COQ8A: variants seen among roughly 807,000 people sequenced by gnomAD.
COQ8A encodes coenzyme Q8A, also known as atypical kinase COQ8A, mitochondrial.
In COQ8A, 51 loss-of-function variants were observed where a neutral mutation model predicts 65.0. The observed-to-expected ratio is 0.78, with a 90% confidence interval of 0.63 to 0.99. The LOEUF (loss-of-function observed/expected upper bound fraction) is 0.99. Ranked by LOEUF, COQ8A falls within the 50% of genes least tolerant of loss-of-function variation. The probability of loss-of-function intolerance (pLI) is 0.00; values close to 1 mark genes in which losing one functional copy is unlikely to be tolerated. For synonymous variants in COQ8A, 371 were observed against 353.2 expected, an observed-to-expected ratio of 1.05 and a Z score of -0.57; for missense variants, 940 against 875.0, an observed-to-expected ratio of 1.07 and a Z score of -0.94.
At chr1:226,978,974 C>T (rs1474062879) in intron 5 of COQ8A, among the ~76,000 whole-genome samples, 1 of 152,166 alleles carries the variant, frequency 6.6e-6, no homozygotes, top group Non-Finnish European at 1.5e-5. Flanking sequence ...ACCCGCACAC[C>T]TCCTTGTAAA....
chr1:226,977,377 G>C, intron 4 of COQ8A, 72 bp from the exon 5 acceptor site: 4 of 1,444,386 alleles, frequency 2.8e-6, no homozygotes, highest in Non-Finnish European at 3.8e-6. Flanking sequence ...GCTGCCCCAG[G>C]CCTTGTGGGT....
chr1:226,977,401 GC>G, intron 4 of COQ8A, 47 bp from the exon 5 acceptor site: 2 of 1,534,136 alleles, frequency 1.3e-6, no homozygotes, highest in African/African-American at 1.4e-5. Context: ...CGAGCGGGTG[GC>G]CCCAGCCCTG....
intron 5 of COQ8A, among the ~76,000 whole-genome samples, 191 bp from the exon 6 acceptor site, chr1:226,981,836 G>A (rs1320120287): frequency 1.3e-5 from 2 of 152,228 alleles, no homozygotes; most frequent in South Asian, 2.1e-4. Flanking sequence ...AGGCGCTGGC[G>A]TAGGGCCTGG....
intron 1 of COQ8A, among the ~76,000 whole-genome samples, chr1:226,942,943 G>A (rs934699496): frequency 6.6e-6 from 1 of 152,190 alleles, no homozygotes; most frequent in Non-Finnish European, 1.5e-5. Context: ...TGATTGGCAC[G>A]CAGAAAAACT....
chr1:226,966,721 A>G (rs910558345), intron 4 of COQ8A, among the ~76,000 whole-genome samples: 1 of 151,896 alleles, frequency 6.6e-6, no homozygotes, highest in African/African-American at 2.4e-5. Flanking sequence ...TTTTCCTCCC[A>G]TACACCATCC....
Position 226,987,114 on chromosome 1 carries a change from A to C in COQ8A, c.*377A>C. 1 of 284,236 alleles carries C rather than the reference A, an allele frequency of 3.5e-6. No homozygotes were observed. The highest frequency in any genetic ancestry group is 6.9e-6 in the Non-Finnish European group (1 of 144,948). 17.6% of individuals were successfully genotyped at this position (284,236 alleles called of 1,614,324 possible). A position where few individuals can be genotyped will look rare whatever the true frequency, so the allele number is the denominator to read the frequency against. The stretch of plus-strand genomic sequence containing the variant: ...AAACCCAGAAACATGAACAGATACG[A>C]TTGTGGGATTTTATCATCTGTGTAG... On this transcript the variant is annotated 3_prime_UTR_variant, in exon 15 of 15. Transcript: ENST00000366777.
At chr1:226,976,149 TGTGGG>T in intron 4 of COQ8A, among the ~76,000 whole-genome samples, 1 of 30,166 alleles carries the variant, frequency 3.3e-5, no homozygotes, top group South Asian at 6.5e-4. Flanking sequence ...ACTGCGGGGC[TGTGGG>T]ACTGCGATGT....
chr1:226,987,007 CTT>C lies in COQ8A; in HGVS notation c.*272_*273del. ...TAAGCAGATGAAGATGAAAGGGCAA[CTT>C]TGTTTTCTTCTTTTTCCTGATGTGA... On this transcript the variant is annotated 3_prime_UTR_variant, in exon 15 of 15. Coordinates refer to ENST00000366777, the MANE Select transcript of COQ8A (RefSeq NM_020247.5). 2 of 533,634 alleles carry C rather than the reference CTT, an allele frequency of 3.7e-6. No individual in the cohort carries two copies. The highest frequency in any genetic ancestry group is 6.8e-6 in the Non-Finnish European group (2 of 295,864). The allele number at this position is 533,634 out of a possible 1,614,324, so 33.1% of individuals were successfully genotyped here.
Position 226,982,663 on chromosome 1 carries a change from TCTC to T in COQ8A, c.854-12_854-10del, listed in dbSNP as rs762867979. The T allele has an allele frequency of 3.6e-5, 58 of 1,612,474 alleles. No homozygotes were observed. In the Middle Eastern group the frequency reaches 5.8e-4, roughly 16 times the overall value. On this transcript the variant is annotated splice_polypyrimidine_tract_variant and intron_variant, in intron 6 of 14. Coordinates refer to ENST00000366777, the MANE Select transcript of COQ8A (RefSeq NM_020247.5). ...AATCCCCAGGTTCGCCCTGTGTCAT[TCTC>T]CTGCCTTCCAGATGATGCCTTTATC...
intron 1 of COQ8A, among the ~76,000 whole-genome samples, chr1:226,942,767 C>CAGTG (rs1350652836): frequency 6.6e-6 from 1 of 152,188 alleles, no homozygotes; most frequent in Non-Finnish European, 1.5e-5. Flanking sequence ...CTTGAAGCAT[C>CAGTG]AGTGTCAAGG....
rs1659855044 is a variant in COQ8A, at chr1:226,983,628, C to T, written c.1157C>T (p.Pro386Leu). 6.2e-7 allele frequency: 1 copy of T among 1,613,868 alleles called. No homozygotes were observed. Among genetic ancestry groups the T allele is most frequent in the Admixed American group, 1.7e-5 (1 of 60,004 alleles). ...GTGTTGAACATGAGCAACATGCTTC[C>T]AGAAGGTCTGAGGCTAGGTGGTTGG... Reference protein sequence around the residue: ...MAVLNMSNMLPEGLFPEHLID... With the variant: ...MAVLNMSNMLLEGLFPEHLID... Residue 386 changes from proline (P) to leucine (L), a missense_variant, in exon 9 of 15, where the codon CCA becomes CTA. Coordinates refer to ENST00000366777, the MANE Select transcript of COQ8A (RefSeq NM_020247.5).
chr1:226,967,710 G>A (rs563747527), intron 4 of COQ8A, among the ~76,000 whole-genome samples: 8 of 152,336 alleles, frequency 5.3e-5, no homozygotes, highest in African/African-American at 1.9e-4. Context: ...TGGGTTAGTG[G>A]AGTTGAAGCC....
In COQ8A at chr1:226,982,909, G is replaced by A. The variant is rs758539309; in HGVS notation, c.955G>A (p.Asp319Asn). ...LKQMMKTLNN[D>N]LGPNWRDKLE... ...TGCCCTTCAGAAAACTCTCAACAAC[G>A]ACCTGGGCCCCAACTGGCGGGACAA... Residue 319 changes from aspartate (D) to asparagine (N), a missense_variant, in exon 8 of 15, where the codon GAC (aspartate) becomes AAC (asparagine). Physicochemically the swap from Asp to Asn is conservative, Grantham distance 23. Transcript: ENST00000366777. The A allele has an allele frequency of 9.3e-6, 15 of 1,612,594 alleles. No homozygotes were observed. The highest frequency in any genetic ancestry group is 1.7e-5 in the Admixed American group (1 of 59,988).
intron 1 of COQ8A, among the ~76,000 whole-genome samples, chr1:226,959,051 T>A (rs1657990460): frequency 6.6e-6 from 1 of 151,928 alleles, no homozygotes; most frequent in African/African-American, 2.4e-5. Flanking sequence ...GGTACACCCC[T>A]GGAAGGGATT....
At chr1:226,978,562 AGC>A (rs200783033) in intron 5 of COQ8A, among the ~76,000 whole-genome samples, 327 of 69,096 alleles carry the variant, frequency 4.7e-3, no homozygotes, top group Middle Eastern at 0.015. Context: ...CACCCCCCAC[AGC>A]CACACACCAC....
In COQ8A at chr1:226,984,675, C is replaced by T. The variant is rs762589602; in HGVS notation, c.1506+20C>T. 3 of 1,603,108 alleles carry T rather than the reference C, an allele frequency of 1.9e-6. No individual in the cohort carries two copies. Among genetic ancestry groups the T allele is most frequent in the Middle Eastern group, 1.7e-4 (1 of 6,038 alleles). ...CACAAGGTGAGCCCCAGGGTGGGGGCACCCGCAGCCAGGCCTGAGAGCTTC... is the reference window on the plus strand; with the variant it reads ...CACAAGGTGAGCCCCAGGGTGGGGGTACCCGCAGCCAGGCCTGAGAGCTTC... On this transcript the variant is annotated intron_variant, in intron 12 of 14. Coordinates refer to ENST00000366777, the MANE Select transcript of COQ8A (RefSeq NM_020247.5).
Position 226,982,442 on chromosome 1 carries a change from ACT to A in COQ8A, c.854-233_854-232del, listed in dbSNP as rs533787064. On this transcript the variant is annotated intron_variant, in intron 6 of 14. Coordinates refer to ENST00000366777, the MANE Select transcript of COQ8A (RefSeq NM_020247.5). ...CAAATTTCTTTTGTAATTATGAAAA[ACT>A]CTGCATGTTGAGTGTAAAAAGCCCA... 1.6e-5 allele frequency: 10 copies of A among 643,886 alleles called. No individual in the cohort carries two copies. In the African/African-American group the frequency reaches 1.7e-4, roughly 11 times the overall value. The allele number at this position is 643,886 out of a possible 1,614,324, so 39.9% of individuals were successfully genotyped here.
chr1:226,941,564 C>G (rs922820937), intron 1 of COQ8A, among the ~76,000 whole-genome samples: 1 of 151,458 alleles, frequency 6.6e-6, no homozygotes, highest in Non-Finnish European at 1.5e-5. Context: ...GTCAGGAGTT[C>G]GAGACCAGCC....
intron 4 of COQ8A, among the ~76,000 whole-genome samples, chr1:226,970,173 G>T (rs2148075381): frequency 6.6e-6 from 1 of 152,260 alleles, no homozygotes; most frequent in Middle Eastern, 3.4e-3. Flanking sequence ...GGCTGTTCTT[G>T]AACTCCTGGC....
Sources: gnomAD v4.1 joint callset for allele counts (sites outside exome capture counted in the v4.1 genomes callset) on GRCh38, gnomAD v4.1.1 for gene constraint, MANE v1.5 for transcripts, NCBI Gene and HGNC (gene_info 2026-07-23, HGNC 2026-07-21) for gene names.